Variants in MEIS1 observed in about 807,000 individuals in gnomAD.
MEIS1 encodes the protein homeobox protein Meis1.
MEIS1 carries 5 observed loss-of-function variants against 50.8 expected under a neutral mutation model. The observed-to-expected ratio is 0.10, with a 90% CI of 0.05 to 0.21. The LOEUF is 0.21. Ranked by LOEUF, MEIS1 falls within the 10% of genes least tolerant of loss-of-function variation. MEIS1 has a pLI of 1.00. For synonymous variants in MEIS1, 176 were observed against 179.3 expected, an observed-to-expected ratio of 0.98 and a Z score of 0.15; for missense variants, 318 against 517.3, an observed-to-expected ratio of 0.61 and a Z score of 3.74.
chr2:66,439,697 AG>A, intron 2 of MEIS1, 145 bp from the exon 3 acceptor site: 1 of 1,543,326 alleles, frequency 6.5e-7, no homozygotes, highest in East Asian at 2.4e-5. Context: ...GGTCTGGGGG[AG>A]GGGGAGGAAA....
intron 8 of MEIS1, among the ~76,000 whole-genome samples, chr2:66,523,394 A>G (rs1343988763): frequency 6.6e-6 from 1 of 152,214 alleles, no homozygotes; most frequent in Non-Finnish European, 1.5e-5. Flanking sequence ...ATTACAGACA[A>G]TAATATTTTT....
At chr2:66,488,110 G>A (rs751622314) in intron 7 of MEIS1, among the ~76,000 whole-genome samples, 1 of 152,146 alleles carries the variant, frequency 6.6e-6, no homozygotes, top group Non-Finnish European at 1.5e-5. Context: ...CTTTGGATAT[G>A]TAAGTGCTTT....
At chr2:66,495,221 T>C (rs1421160751) in intron 7 of MEIS1, among the ~76,000 whole-genome samples, 1 of 152,096 alleles carries the variant, frequency 6.6e-6, no homozygotes, top group Non-Finnish European at 1.5e-5. Context: ...CTTTTAAAGT[T>C]TTTAGGCTTT....
At chr2:66,456,932 T>C (rs1038111693) in intron 6 of MEIS1, among the ~76,000 whole-genome samples, 2 of 152,192 alleles carry the variant, frequency 1.3e-5, no homozygotes, top group South Asian at 2.1e-4. Flanking sequence ...CTCTAAAGTA[T>C]GCTATTTCAC....
intron 7 of MEIS1, among the ~76,000 whole-genome samples, chr2:66,506,168 T>A (rs1244859386): frequency 6.6e-6 from 1 of 152,082 alleles, no homozygotes; most frequent in Non-Finnish European, 1.5e-5. Flanking sequence ...GAAAGAGATA[T>A]GGAAATAAAC....
Position 66,549,695 on chromosome 2 carries a change from C to T in MEIS1, c.965+1676C>T, listed in dbSNP as rs138107210. Among the ~76,000 whole-genome samples the T allele has an allele frequency of 1.9e-3, 283 of 152,116 alleles. 2 individuals are homozygous for T. Among genetic ancestry groups the T allele is most frequent in the South Asian group, 0.013 (63 of 4,806 alleles). The stretch of plus-strand genomic sequence containing the variant: ...TTTCCCTGGGAAGTGTTCCTGTTTG[C>T]GGGCAAAGGAGTGGCAGGACAAGCT... On this transcript the variant is annotated intron_variant, in intron 9 of 12. Transcript: ENST00000272369.
At chr2:66,519,946 T>G (rs533187992) in intron 8 of MEIS1, among the ~76,000 whole-genome samples, 91 of 152,322 alleles carry the variant, frequency 6.0e-4, no homozygotes, top group Non-Finnish European at 1.1e-3. Flanking sequence ...GGTCAGTTTT[T>G]ATCTGTTTCC....
intron 10 of MEIS1, chr2:66,567,841 C>A: frequency 1.8e-6 from 1 of 550,934 alleles, no homozygotes. Flanking sequence ...TATGACCACT[C>A]CCTGGTGCAT....
At chr2:66,465,834 A>G (rs948613565) in intron 7 of MEIS1, among the ~76,000 whole-genome samples, 4 of 152,176 alleles carry the variant, frequency 2.6e-5, no homozygotes, top group African/African-American at 9.6e-5. Context: ...GCCCAATACC[A>G]GTTCTTCCCC....
chr2:66,495,080 C>A, intron 7 of MEIS1, among the ~76,000 whole-genome samples: 3 of 91,508 alleles, frequency 3.3e-5, no homozygotes, highest in South Asian at 4.4e-4. Context: ...CTCTTCTGAC[C>A]TTTTTTTTTT....
rs146608679 is a variant in MEIS1, at chr2:66,498,693, T to C, written c.743-13456T>C. Among the ~76,000 whole-genome samples, 1,479 of 152,312 alleles carry C rather than the reference T, an allele frequency of 9.7e-3. 6 individuals carry two copies. Among genetic ancestry groups the C allele is most frequent in the Non-Finnish European group, 0.016 (1,121 of 68,018 alleles). On this transcript the variant is annotated intron_variant, in intron 7 of 12. Transcript: ENST00000272369. ...TTCCTGGCCTGGAGTGACTGGAGGC[T>C]GTCCCCACGTCCCACTTCAGTGAGG...
intron 8 of MEIS1, among the ~76,000 whole-genome samples, chr2:66,532,275 A>T (rs1209394024): frequency 6.6e-6 from 1 of 152,176 alleles, no homozygotes; most frequent in Non-Finnish European, 1.5e-5. Context: ...AGGTCTATGC[A>T]ATTATTTTCT....
intron 7 of MEIS1, among the ~76,000 whole-genome samples, chr2:66,495,588 A>C (rs1312814197): frequency 6.6e-6 from 1 of 152,142 alleles, no homozygotes; most frequent in East Asian, 1.9e-4. Context: ...CTAGCATGTA[A>C]ATTATACTCT....
At chr2:66,499,732 C>T (rs1673501985) in intron 7 of MEIS1, among the ~76,000 whole-genome samples, 1 of 148,330 alleles carries the variant, frequency 6.7e-6, no homozygotes, top group African/African-American at 2.5e-5. Context: ...AGAATACAGA[C>T]ATGTTATCCT....
intron 6 of MEIS1, among the ~76,000 whole-genome samples, chr2:66,453,573 A>G (rs150504939): frequency 2.3e-4 from 35 of 152,136 alleles, no homozygotes; most frequent in Middle Eastern, 3.4e-3. Flanking sequence ...ATCTTTTCCC[A>G]ACTCCAAATT....
chr2:66,480,411 T>C (rs1672988959), intron 7 of MEIS1, among the ~76,000 whole-genome samples: 1 of 152,214 alleles, frequency 6.6e-6, no homozygotes, highest in Admixed American at 6.5e-5. Flanking sequence ...CAATTTGAGA[T>C]GGCAGAATCT....
chr2:66,471,684 G>A (rs1405067574), intron 7 of MEIS1, among the ~76,000 whole-genome samples: 1 of 152,182 alleles, frequency 6.6e-6, no homozygotes, highest in Admixed American at 6.5e-5. Context: ...TAGCTCTGCA[G>A]CCAGAGGCAT....
chr2:66,558,298 A>G (rs1168110899), intron 9 of MEIS1, among the ~76,000 whole-genome samples: 8 of 145,866 alleles, frequency 5.5e-5, no homozygotes, highest in Non-Finnish European at 1.1e-4. Context: ...AAAAAAAAAA[A>G]AAAAAAGAAA....
intron 8 of MEIS1, among the ~76,000 whole-genome samples, chr2:66,524,316 C>G (rs1173953705): frequency 6.6e-6 from 1 of 152,004 alleles, no homozygotes; most frequent in African/African-American, 2.4e-5. Context: ...AGTCCCAGCA[C>G]TTTGGGAGGC....
Sources: gnomAD v4.1 joint callset for allele counts (sites outside exome capture counted in the v4.1 genomes callset) on GRCh38, gnomAD v4.1.1 for gene constraint, MANE v1.5 for transcripts, NCBI Gene and HGNC (gene_info 2026-07-23, HGNC 2026-07-21) for gene names.